SYN3: variants seen among roughly 807,000 people sequenced by gnomAD.
The protein encoded by SYN3 is synapsin-3.
A neutral mutation model predicts 65.8 loss-of-function variants in SYN3; 35 were observed. That is an observed-to-expected ratio of 0.53 (90% CI 0.41 to 0.70). The LOEUF (loss-of-function observed/expected upper bound fraction) is 0.70. Among genes scored for constraint, SYN3 ranks in the 30% least tolerant of loss-of-function variants. The pLI, the probability that SYN3 is intolerant of heterozygous loss-of-function variation, is 0.00. For synonymous variants in SYN3, 270 were observed against 292.9 expected, an observed-to-expected ratio of 0.92 and a Z score of 0.80; for missense variants, 680 against 749.0, an observed-to-expected ratio of 0.91 and a Z score of 1.08.
chr22:32,615,915 C>T (rs1468692447), intron 6 of SYN3, among the ~76,000 whole-genome samples: 3 of 152,272 alleles, frequency 2.0e-5, no homozygotes, highest in Non-Finnish European at 2.9e-5. Flanking sequence ...GCAATGGGGG[C>T]GGAGTCTCCC....
intron 6 of SYN3, among the ~76,000 whole-genome samples, chr22:32,734,035 G>C (rs942962925): frequency 2.0e-5 from 3 of 152,164 alleles, no homozygotes; most frequent in Non-Finnish European, 4.4e-5. Flanking sequence ...AAAAGGTCCA[G>C]AACTAAACAG....
intron 6 of SYN3, among the ~76,000 whole-genome samples, chr22:32,639,347 T>C (rs1393911676): frequency 6.6e-6 from 1 of 152,206 alleles, no homozygotes; most frequent in Non-Finnish European, 1.5e-5. Context: ...ATTTAGTGAA[T>C]AAGGGAGTCC....
At chr22:33,020,650 C>T (rs895598921) in intron 1 of SYN3, among the ~76,000 whole-genome samples, 1 of 152,156 alleles carries the variant, frequency 6.6e-6, no homozygotes, top group Non-Finnish European at 1.5e-5. Context: ...TTGGGTCATA[C>T]AAAAGGCCAA....
At chr22:32,646,092 G>A (rs553732210) in intron 6 of SYN3, among the ~76,000 whole-genome samples, 14 of 152,186 alleles carry the variant, frequency 9.2e-5, no homozygotes, top group Non-Finnish European at 7.4e-5. Flanking sequence ...ATGGAGCCGC[G>A]GAAAGGGTGC....
chr22:32,790,372 T>G (rs1480530540), intron 6 of SYN3, among the ~76,000 whole-genome samples: 1 of 151,602 alleles, frequency 6.6e-6, no homozygotes, highest in Non-Finnish European at 1.5e-5. Flanking sequence ...ATTAATATAA[T>G]TTATTAGTTA....
chr22:33,032,052 A>T (rs866601302), intron 1 of SYN3, among the ~76,000 whole-genome samples: 6 of 151,796 alleles, frequency 4.0e-5, no homozygotes, highest in Middle Eastern at 3.4e-3. Context: ...TCTACTAAAA[A>T]TACAAAAATT....
At chr22:32,692,928 T>C (rs3788484) in intron 6 of SYN3, among the ~76,000 whole-genome samples, 44,201 of 152,090 alleles carry the variant, frequency 0.29, 9,468 homozygotes, top group East Asian at 0.64. Flanking sequence ...TAATCACAAT[T>C]AGCAATATAT....
intron 5 of SYN3, among the ~76,000 whole-genome samples, chr22:32,867,243 C>G (rs911643504): frequency 6.6e-6 from 1 of 152,228 alleles, no homozygotes; most frequent in Admixed American, 6.5e-5. Flanking sequence ...TACCTATCCT[C>G]TTTCTGTCCT....
At chr22:32,650,330 G>T (rs1033365846) in intron 6 of SYN3, among the ~76,000 whole-genome samples, 3 of 145,944 alleles carry the variant, frequency 2.1e-5, no homozygotes, top group Non-Finnish European at 4.5e-5. Context: ...GCAGTGGAGC[G>T]ATCACAGTTC....
chr22:32,827,244 C>T (rs1390708046), intron 6 of SYN3, among the ~76,000 whole-genome samples: 31 of 152,196 alleles, frequency 2.0e-4, no homozygotes, highest in Admixed American at 2.0e-3. Flanking sequence ...TGTTAGCTTA[C>T]CCCTGTCTGG....
chr22:32,607,297 G>A (rs982677267), intron 6 of SYN3, among the ~76,000 whole-genome samples: 1 of 152,206 alleles, frequency 6.6e-6, no homozygotes, highest in East Asian at 1.9e-4. Flanking sequence ...TCCTGATCCC[G>A]GCCGCCAGGT....
intron 6 of SYN3, among the ~76,000 whole-genome samples, chr22:32,627,373 T>C (rs972416945): frequency 6.6e-6 from 1 of 152,130 alleles, no homozygotes; most frequent in Admixed American, 6.5e-5. Flanking sequence ...ATGCTGCAGC[T>C]TCTGTGAGCC....
At position 32,898,876 on chromosome 22, in the gene SYN3, G is replaced by A. The variant is rs146686737; in HGVS notation, c.462-29751C>T. On this transcript the variant is annotated intron_variant, in intron 4 of 13. Transcript: ENST00000358763. ...CCAACACTTTGGGAGGCCGAGGCGG[G>A]TGGATCACGAGGTCAGGAGACCGAG... 8.3e-3 allele frequency among the ~76,000 whole-genome samples: 1,271 copies of A among 152,302 alleles called. 10 individuals carry two copies. Among genetic ancestry groups the A allele is most frequent in the East Asian group, 0.042 (219 of 5,174 alleles).
intron 6 of SYN3, among the ~76,000 whole-genome samples, chr22:32,704,321 G>A (rs960798774): frequency 6.6e-6 from 1 of 152,034 alleles, no homozygotes; most frequent in Non-Finnish European, 1.5e-5. Context: ...TGTAGTATTT[G>A]GTTTTCTGTT....
At chr22:32,912,565 T>C (rs1023817491) in intron 4 of SYN3, among the ~76,000 whole-genome samples, 2 of 151,824 alleles carry the variant, frequency 1.3e-5, no homozygotes, top group African/African-American at 2.4e-5. Flanking sequence ...CTAAAAATAA[T>C]AATAAATTAG....
chr22:32,869,696 T>TG (rs2048798298), intron 4 of SYN3, among the ~76,000 whole-genome samples: 1 of 137,038 alleles, frequency 7.3e-6, no homozygotes, highest in East Asian at 2.0e-4. Context: ...CTTGGTTTTT[T>TG]TTTTTTTTTT....
At chr22:32,740,669 A>C (rs1241374241) in intron 6 of SYN3, among the ~76,000 whole-genome samples, 8 of 152,192 alleles carry the variant, frequency 5.3e-5, no homozygotes, top group Non-Finnish European at 1.0e-4. Flanking sequence ...AAAGACTGAA[A>C]GTTAACTAAC....
At chr22:32,761,886 G>A (rs78634203) in intron 6 of SYN3, among the ~76,000 whole-genome samples, 5,102 of 152,228 alleles carry the variant, frequency 0.034, 109 homozygotes, top group Middle Eastern at 0.065. Context: ...AACTGCACCC[G>A]GAGATTGTCG....
At chr22:32,680,042 A>T (rs1237847113) in intron 6 of SYN3, among the ~76,000 whole-genome samples, 1 of 151,958 alleles carries the variant, frequency 6.6e-6, no homozygotes, top group Non-Finnish European at 1.5e-5. Context: ...TGCTTTATTT[A>T]TGTCCTCAGC....
Sources: gnomAD v4.1 joint callset for allele counts (sites outside exome capture counted in the v4.1 genomes callset) on GRCh38, gnomAD v4.1.1 for gene constraint, MANE v1.5 for transcripts, NCBI Gene and HGNC (gene_info 2026-07-23, HGNC 2026-07-21) for gene names.